The following ANO2 variants were observed in gnomAD, a reference collection of about 807,000 sequenced individuals.
ANO2 encodes anoctamin-2.
In ANO2, 101 loss-of-function variants were observed where a neutral mutation model predicts 124.2. The ratio of observed to expected loss-of-function variants is 0.81; its 90% CI spans 0.69 to 0.96. The LOEUF is 0.96. ANO2 is among the 40% of genes least tolerant of loss of function. ANO2 has a pLI of 0.00. For synonymous variants in ANO2, 486 were observed against 482.5 expected (o/e 1.01, Z -0.09); for missense variants, 1,293 against 1,274.5 (o/e 1.01, Z -0.22).
intron 23 of ANO2, among the ~76,000 whole-genome samples, chr12:5,571,472 C>T (rs1942115563): frequency 6.6e-6 from 1 of 152,152 alleles, no homozygotes; most frequent in Non-Finnish European, 1.5e-5. Flanking sequence ...GGGTTGGAGT[C>T]GGAGACCTCA....
intron 14 of ANO2, among the ~76,000 whole-genome samples, chr12:5,725,741 G>A (rs557166078): frequency 6.6e-6 from 1 of 151,906 alleles, no homozygotes; most frequent in Non-Finnish European, 1.5e-5. Flanking sequence ...CCCTAAGGTG[G>A]TGCCCACTTC....
chr12:5,843,792 A>T (rs190015681), intron 4 of ANO2, among the ~76,000 whole-genome samples: 14 of 152,296 alleles, frequency 9.2e-5, no homozygotes, highest in Admixed American at 6.5e-4. Context: ...CAACCCAAAC[A>T]AGATGCTGGG....
chr12:5,915,515 A>C (rs956672993), intron 3 of ANO2, among the ~76,000 whole-genome samples: 2 of 152,188 alleles, frequency 1.3e-5, no homozygotes, highest in African/African-American at 4.8e-5. Flanking sequence ...GGCTAAGTGA[A>C]TCATTTTTAA....
At chr12:5,576,213 C>G (rs748873833) in intron 22 of ANO2, among the ~76,000 whole-genome samples, 198 bp from the exon 23 acceptor site, 1 of 152,240 alleles carries the variant, frequency 6.6e-6, no homozygotes, top group Non-Finnish European at 1.5e-5. Flanking sequence ...GTCCACCAGA[C>G]AGTGGCTGTC....
intron 3 of ANO2, among the ~76,000 whole-genome samples, chr12:5,888,542 T>C (rs1408521420): frequency 6.6e-6 from 1 of 152,138 alleles, no homozygotes; most frequent in Non-Finnish European, 1.5e-5. Context: ...GACAGGGTGC[T>C]GACTGGTGTG....
intron 3 of ANO2, among the ~76,000 whole-genome samples, chr12:5,871,353 G>A: frequency 6.6e-6 from 1 of 152,158 alleles, no homozygotes; most frequent in East Asian, 1.9e-4. Flanking sequence ...TAAGTCCCAA[G>A]CACTTGGACA....
chr12:5,598,961 G>A (rs1432940190), intron 20 of ANO2, among the ~76,000 whole-genome samples: 1 of 51,122 alleles, frequency 2.0e-5, no homozygotes, highest in Non-Finnish European at 5.2e-5. Context: ...TACCGAAATA[G>A]ACCCAACTTT....
At chr12:5,686,268 T>C (rs1028222860) in intron 14 of ANO2, among the ~76,000 whole-genome samples, 2 of 152,196 alleles carry the variant, frequency 1.3e-5, no homozygotes, top group East Asian at 1.9e-4. Context: ...ACTACCCACA[T>C]CATCAGCATC....
intron 2 of ANO2, 74 bp downstream of exon 2, chr12:5,922,546 C>G: frequency 6.9e-7 from 1 of 1,452,366 alleles, no homozygotes; most frequent in South Asian, 1.4e-5. Context: ...GGAGGATCCC[C>G]CAGACCAGAG....
At chr12:5,668,697 T>A (rs1039642068) in intron 14 of ANO2, among the ~76,000 whole-genome samples, 1 of 152,246 alleles carries the variant, frequency 6.6e-6, no homozygotes, top group Non-Finnish European at 1.5e-5. Flanking sequence ...TTTAACTATT[T>A]GATCCATCTT....
rs543178668 is a variant in ANO2, at chr12:5,922,542, T to C, written c.207+78A>G. The C allele has an allele frequency of 9.2e-6, 13 of 1,417,612 alleles. 1 individual carries two copies. The South Asian group carries it at 1.7e-4, about 18-fold the overall frequency. The allele number at this position is 1,417,612 out of a possible 1,614,324, so 87.8% of individuals were successfully genotyped here. A position where few individuals can be genotyped will look rare whatever the true frequency, so the allele number is the denominator to read the frequency against. On this transcript the variant is annotated intron_variant, in intron 2 of 24. Transcript: ENST00000682330. ...CACACATGTGCTCCCAACTGGAGGA[T>C]CCCCCAGACCAGAGGCTCCTTGGTG...
chr12:5,642,973 T>C (rs73269210), intron 15 of ANO2, among the ~76,000 whole-genome samples: 3,439 of 152,310 alleles, frequency 0.023, 133 homozygotes, highest in African/African-American at 0.079. Flanking sequence ...TAAAATGTCA[T>C]CTTAATGAGA....
chr12:5,841,763 C>A (rs994219075), intron 4 of ANO2, among the ~76,000 whole-genome samples: 9 of 152,344 alleles, frequency 5.9e-5, no homozygotes, highest in Admixed American at 2.6e-4. Context: ...TAAATGGCGT[C>A]TTCTCTTCCT....
At chr12:5,854,340 G>A (rs1447718896) in intron 3 of ANO2, among the ~76,000 whole-genome samples, 199 bp from the exon 4 acceptor site, 9 of 116,188 alleles carry the variant, frequency 7.7e-5, no homozygotes, top group African/African-American at 3.0e-4. Context: ...TGTTCTCATC[G>A]AAAACAGTAG....
At chr12:5,692,690 G>T (rs534794636) in intron 14 of ANO2, among the ~76,000 whole-genome samples, 1 of 152,244 alleles carries the variant, frequency 6.6e-6, no homozygotes, top group South Asian at 2.1e-4. Context: ...CCTGCATCAA[G>T]AAACAGCCTG....
At chr12:5,739,053 C>T (rs1950986807) in intron 13 of ANO2, 1 of 611,440 alleles carries the variant, frequency 1.6e-6, no homozygotes, top group Non-Finnish European at 3.1e-6. Context: ...ACCTCTTTCC[C>T]CAGAGGAGGG....
chr12:5,754,710 T>C (rs1056445264), intron 10 of ANO2, among the ~76,000 whole-genome samples: 4 of 152,206 alleles, frequency 2.6e-5, no homozygotes, highest in Non-Finnish European at 4.4e-5. Context: ...TATTCTAGAT[T>C]GTCCAATTTG....
chr12:5,854,599 T>A (rs1042297692), intron 3 of ANO2, among the ~76,000 whole-genome samples: 2 of 152,198 alleles, frequency 1.3e-5, no homozygotes, highest in African/African-American at 4.8e-5. Flanking sequence ...TGTATTTTTG[T>A]TCTACTGTCA....
At chr12:5,879,272 A>C (rs1490467404) in intron 3 of ANO2, among the ~76,000 whole-genome samples, 3 of 152,190 alleles carry the variant, frequency 2.0e-5, no homozygotes, top group Non-Finnish European at 2.9e-5. Context: ...AAGGGACTGT[A>C]CTCAAGCCCA....
Sources: gnomAD v4.1 joint callset for allele counts (sites outside exome capture counted in the v4.1 genomes callset) on GRCh38, gnomAD v4.1.1 for gene constraint, MANE v1.5 for transcripts, NCBI Gene and HGNC (gene_info 2026-07-23, HGNC 2026-07-21) for gene names.